TRAPPC6B: variants seen among roughly 807,000 people sequenced by gnomAD.
TRAPPC6B encodes trafficking protein particle complex subunit 6B.
TRAPPC6B carries 27 observed loss-of-function variants against 24.7 expected under a neutral mutation model. The observed-to-expected ratio is 1.09, with a 90% confidence interval of 0.81 to 1.51. The LOEUF is 1.51. TRAPPC6B is among the 40% of genes most tolerant of loss of function. The probability of loss-of-function intolerance (pLI) is 0.00; values close to 1 mark genes in which losing one functional copy is unlikely to be tolerated. For missense variants in TRAPPC6B, 212 were observed against 190.8 expected (o/e 1.11, Z -0.66); for synonymous variants, 80 against 66.6 (o/e 1.20, Z -0.98).
intron 1 of TRAPPC6B, among the ~76,000 whole-genome samples, 165 bp downstream of exon 1, chr14:39,169,850 G>C (rs1400387360): frequency 6.6e-6 from 1 of 152,196 alleles, no homozygotes; most frequent in Non-Finnish European, 1.5e-5. Context: ...CGGTTCAAAG[G>C]AGACAACTGA....
chr14:39,150,686 CTG>C (rs2052900599), intron 5 of TRAPPC6B, among the ~76,000 whole-genome samples: 1 of 152,092 alleles, frequency 6.6e-6, no homozygotes, highest in Non-Finnish European at 1.5e-5. Flanking sequence ...CTACAGGCGT[CTG>C]TCACCACGCC....
chr14:39,169,413 C>T (rs1190530803), intron 1 of TRAPPC6B, among the ~76,000 whole-genome samples: 1 of 152,144 alleles, frequency 6.6e-6, no homozygotes, highest in Non-Finnish European at 1.5e-5. Context: ...AGGATGGGGC[C>T]ATTGTTTCAT....
At chr14:39,166,669 G>C (rs1440749380) in intron 1 of TRAPPC6B, among the ~76,000 whole-genome samples, 5 of 152,182 alleles carry the variant, frequency 3.3e-5, no homozygotes, top group Non-Finnish European at 4.4e-5. Context: ...ATGATAATCA[G>C]ACATTATTCT....
Position 39,158,265 on chromosome 14 carries a change from GC to G in TRAPPC6B, c.267+19del. 7.9e-7 allele frequency: 1 copy of G among 1,272,072 alleles called. No individual in the cohort carries two copies. Among genetic ancestry groups the G allele is most frequent in the Non-Finnish European group, 1.1e-6 (1 of 896,568 alleles). 78.8% of individuals were successfully genotyped at this position (1,272,072 alleles called of 1,614,324 possible). On this transcript the variant is annotated intron_variant, in intron 3 of 5. Transcript: ENST00000330149. ...CAAGTTAAAGGACTTTAAAATATAG[GC>G]CTTAATTAATTTAATTACCTGATGA...
intron 1 of TRAPPC6B, among the ~76,000 whole-genome samples, chr14:39,164,852 ACAAACAAAAAATAAAGTC>A (rs1229667949): frequency 6.6e-6 from 1 of 152,070 alleles, no homozygotes; most frequent in Non-Finnish European, 1.5e-5. Flanking sequence ...AAACCAACAA[ACAAACAAAAAATAAAGTC>A]CAAACTCCTT....
intron 5 of TRAPPC6B, among the ~76,000 whole-genome samples, chr14:39,151,066 A>T (rs2052905940): frequency 6.6e-6 from 1 of 152,148 alleles, no homozygotes; most frequent in Admixed American, 6.6e-5. Context: ...TTAGCTTGAT[A>T]TAATAGACAT....
intron 1 of TRAPPC6B, among the ~76,000 whole-genome samples, chr14:39,165,219 G>T (rs1197023399): frequency 6.6e-6 from 1 of 151,960 alleles, no homozygotes; most frequent in Non-Finnish European, 1.5e-5. Context: ...CTAATTTTTT[G>T]TATTTTTAGT....
intron 1 of TRAPPC6B, among the ~76,000 whole-genome samples, chr14:39,165,683 G>C (rs1341750215): frequency 1.3e-5 from 2 of 152,146 alleles, no homozygotes. Context: ...CATAGCCCTA[G>C]CTATTCGAGA....
At chr14:39,153,896 G>A (rs1298278531) in intron 4 of TRAPPC6B, among the ~76,000 whole-genome samples, 4 of 151,976 alleles carry the variant, frequency 2.6e-5, no homozygotes, top group Admixed American at 6.6e-5. Context: ...GTAGAGAAAG[G>A]GTTTCCCCAT....
intron 1 of TRAPPC6B, among the ~76,000 whole-genome samples, chr14:39,164,518 T>C (rs2053088910): frequency 1.3e-5 from 2 of 151,778 alleles, no homozygotes; most frequent in African/African-American, 2.4e-5. Context: ...TATTCTCTAC[T>C]GGAATTTCAG....
chr14:39,162,574 G>A (rs1417374027), intron 1 of TRAPPC6B, among the ~76,000 whole-genome samples: 2 of 152,076 alleles, frequency 1.3e-5, no homozygotes, highest in Non-Finnish European at 2.9e-5. Flanking sequence ...TTCTCTCCTA[G>A]GTTATAAAAC....
intron 1 of TRAPPC6B, among the ~76,000 whole-genome samples, chr14:39,162,926 C>T (rs79319496): frequency 0.015 from 2,252 of 151,350 alleles, 218 homozygotes; most frequent in African/African-American, 0.052. Flanking sequence ...ATTCCAGGGG[C>T]TTTTGCATCA....
At chr14:39,151,563 C>T (rs1376004718) in intron 5 of TRAPPC6B, among the ~76,000 whole-genome samples, 183 bp downstream of exon 5, 3 of 151,584 alleles carry the variant, frequency 2.0e-5, no homozygotes, top group Admixed American at 6.6e-5. Flanking sequence ...GATTTTAGTC[C>T]ATTATTCAAA....
intron 3 of TRAPPC6B, among the ~76,000 whole-genome samples, chr14:39,155,320 C>T (rs1045096142): frequency 6.6e-6 from 1 of 152,134 alleles, no homozygotes; most frequent in African/African-American, 2.4e-5. Flanking sequence ...CAGCTCACCA[C>T]AACCTCCGCC....
At chr14:39,167,026 G>A (rs2053115662) in intron 1 of TRAPPC6B, among the ~76,000 whole-genome samples, 1 of 152,206 alleles carries the variant, frequency 6.6e-6, no homozygotes, top group Non-Finnish European at 1.5e-5. Flanking sequence ...CAGTGGGGAA[G>A]AAGAACCCAC....
In TRAPPC6B at chr14:39,157,121, A is replaced by AG. The variant is rs1566547598; in HGVS notation, c.267+1163_267+1164insC. ...GACTCCATCTCAAAAAAAAAAAAAAAAAAAAGAAAGAAAGAAAGTGGTGAA... is the reference window on the plus strand; with the variant it reads ...GACTCCATCTCAAAAAAAAAAAAAAAGAAAAAGAAAGAAAGAAAGTGGTGAA... On this transcript the variant is annotated intron_variant, in intron 3 of 5. Coordinates refer to ENST00000330149, the MANE Select transcript of TRAPPC6B (RefSeq NM_001079537.2). 3.6e-3 allele frequency: 474 copies of AG among 130,770 alleles called. 1 individual carries two copies. Among genetic ancestry groups the AG allele is most frequent in the Middle Eastern group, 0.017 (7 of 408 alleles). The allele number at this position is 130,770 out of a possible 1,614,324, so 8.1% of individuals were successfully genotyped here.
intron 4 of TRAPPC6B, among the ~76,000 whole-genome samples, 160 bp from the exon 5 acceptor site, chr14:39,151,999 C>A (rs185492690): frequency 6.6e-6 from 1 of 152,254 alleles, no homozygotes; most frequent in Non-Finnish European, 1.5e-5. Context: ...TGATATATTT[C>A]CCAGCTCCCT....
intron 2 of TRAPPC6B, 112 bp from the exon 3 acceptor site, chr14:39,158,514 T>C: frequency 1.5e-6 from 1 of 660,248 alleles, no homozygotes; most frequent in South Asian, 1.9e-5. Flanking sequence ...TTATTGGGTT[T>C]TTTAATTTTA....
At chr14:39,166,378 T>C (rs2053109432) in intron 1 of TRAPPC6B, among the ~76,000 whole-genome samples, 1 of 152,184 alleles carries the variant, frequency 6.6e-6, no homozygotes, top group East Asian at 1.9e-4. Context: ...GCAGGAACTA[T>C]TGAAACCACC....
Sources: allele counts gnomAD v4.1 joint callset (sites outside exome capture counted in the v4.1 genomes callset), GRCh38; gene constraint gnomAD v4.1.1; transcripts MANE v1.5; gene names NCBI Gene and HGNC (gene_info 2026-07-23, HGNC 2026-07-21).